The following RNF213 variants were observed in gnomAD, a reference collection of about 807,000 sequenced individuals.
The protein encoded by RNF213 is ring finger protein 213.
In RNF213, 341 loss-of-function variants were observed where a neutral mutation model predicts 514.4. The ratio of observed to expected loss-of-function variants is 0.66; its 90% confidence interval spans 0.61 to 0.73. RNF213 has a LOEUF of 0.73. Ranked by LOEUF, RNF213 falls within the 30% of genes least tolerant of loss-of-function variation. The pLI, the probability that RNF213 is intolerant of heterozygous loss-of-function variation, is 0.00. For synonymous variants in RNF213, 2,655 were observed against 2,658.2 expected (o/e 1.00, Z 0.04); for missense variants, 5,767 against 6,615.6 (o/e 0.87, Z 4.45).
Position 80,349,744 on chromosome 17 carries a change from G to A in RNF213, c.9952-26G>A, listed in dbSNP as rs567116119. 66 of 1,613,714 alleles carry A rather than the reference G, an allele frequency of 4.1e-5. 1 individual carries two copies. The South Asian group carries it at 7.0e-4, about 17-fold the overall frequency. On this transcript the variant is annotated intron_variant, in intron 29 of 67. Transcript: ENST00000582970. ...GCAACCTTTCCTTGAAGTCTGGCAA[G>A]TAATTTGCATTTCTTAACTCTGTAG... is the stretch of plus-strand genomic sequence containing the variant.
intron 30 of RNF213, 34 bp downstream of exon 30, chr17:80,349,940 C>G (rs776418150): frequency 6.2e-7 from 1 of 1,611,986 alleles, no homozygotes; most frequent in Non-Finnish European, 8.5e-7. Context: ...TGCCCTCTCC[C>G]TCCCCAGCCG....
intron 9 of RNF213, 31 bp from the exon 10 acceptor site, chr17:80,295,526 T>C: frequency 6.2e-7 from 1 of 1,613,596 alleles, no homozygotes; most frequent in South Asian, 1.1e-5. Flanking sequence ...AAGTCCATGG[T>C]TCATGCATCT....
At chr17:80,293,325 G>GT (rs953023531) in intron 8 of RNF213, among the ~76,000 whole-genome samples, 10 of 152,010 alleles carry the variant, frequency 6.6e-5, no homozygotes, top group Non-Finnish European at 1.5e-4. Context: ...GCCTCCCAAA[G>GT]TGCTGGGATT....
intron 13 of RNF213, among the ~76,000 whole-genome samples, chr17:80,307,922 C>T (rs148687848): frequency 1.3e-5 from 2 of 151,666 alleles, no homozygotes; most frequent in East Asian, 3.9e-4. Context: ...GGTTTATCTC[C>T]CCCTGATCTT....
Position 80,295,719 on chromosome 17 carries a change from A to G in RNF213, c.1918A>G (p.Ser640Gly), listed in dbSNP as rs1352402024. The G allele has an allele frequency of 1.9e-6, 3 of 1,614,238 alleles. No homozygotes were observed. The highest frequency in any genetic ancestry group is 1.7e-5 in the Admixed American group (1 of 60,020). ...AAAAATTGAGCTTTTATTAGAAGGC[A>G]GCCTGGACTGGTTGTGTCACCTCCT... is the stretch of plus-strand genomic sequence containing the variant. ...VEKIELLLEGSLDWLCHLLTS... is the reference protein window; with the variant it reads ...VEKIELLLEGGLDWLCHLLTS... The change falls in exon 10 of 68, where the codon AGC becomes GGC. Residue 640 changes from serine (S) to glycine (G), a missense_variant. Around this residue, in one of 13 missense-constraint regions of RNF213, gnomAD observed 592 missense variants for 673.9 expected, o/e 0.88. Coordinates refer to ENST00000582970, the MANE Select transcript of RNF213 (RefSeq NM_001256071.3).
intron 2 of RNF213, among the ~76,000 whole-genome samples, chr17:80,269,540 T>C (rs931581109): frequency 8.6e-5 from 13 of 152,034 alleles, no homozygotes; most frequent in African/African-American, 2.7e-4. Flanking sequence ...TATTCATCCA[T>C]TCATCTATCC....
At position 80,373,174 on chromosome 17, in the gene RNF213, CG is replaced by C; in HGVS notation, c.12942+13del. ...ACGTTGTCAAGCAGCAGGTGAGAAG[CG>C]GGGCCGGGCAGCACACAAACATGCA... On this transcript the variant is annotated intron_variant, in intron 49 of 67. Transcript: ENST00000582970. 6.2e-7 allele frequency: 1 copy of C among 1,604,838 alleles called. No homozygotes were observed. The highest frequency in any genetic ancestry group is 8.5e-7 in the Non-Finnish European group (1 of 1,179,690).
chr17:80,383,153 T>C (rs2080092168), intron 58 of RNF213, 83 bp downstream of exon 58: 1 of 969,590 alleles, frequency 1.0e-6, no homozygotes, highest in South Asian at 1.3e-5. Context: ...TCCTTGCCTG[T>C]TGCCCCTCGT....
intron 20 of RNF213, among the ~76,000 whole-genome samples, chr17:80,328,778 C>T (rs2046341724): frequency 6.6e-6 from 1 of 152,194 alleles, no homozygotes; most frequent in Non-Finnish European, 1.5e-5. Context: ...GGTCTGTGCC[C>T]TGCACACATC....
chr17:80,325,484 C>T (rs2046255885), intron 18 of RNF213, among the ~76,000 whole-genome samples: 1 of 152,092 alleles, frequency 6.6e-6, no homozygotes, highest in Non-Finnish European at 1.5e-5. Context: ...TGAAAGTCCC[C>T]TTTAAGGCCC....
At chr17:80,392,772 T>C (rs1222256167) in intron 67 of RNF213, among the ~76,000 whole-genome samples, 1 of 152,160 alleles carries the variant, frequency 6.6e-6, no homozygotes, top group East Asian at 1.9e-4. Flanking sequence ...GTATTTTTAC[T>C]AGAGACAGGG....
chr17:80,358,383 C>G lies in RNF213; in HGVS notation c.10958C>G (p.Thr3653Ser), dbSNP rs776883267. 1 of 1,614,090 alleles carries G rather than the reference C, an allele frequency of 6.2e-7. No homozygotes were observed. The highest frequency in any genetic ancestry group is 8.5e-7 in the Non-Finnish European group (1 of 1,179,970). ...IDRDGNLELLTRPDTPPWARD... is the reference protein window; with the variant it reads ...IDRDGNLELLSRPDTPPWARD... ...AGAGACGGCAACCTAGAGTTACTGA[C>G]CAGGCCAGATACTCCGCCCTGGGCA... is the stretch of plus-strand genomic sequence containing the variant. The change falls in exon 37 of 68, where the codon ACC becomes AGC. Residue 3653 changes from threonine to serine, a missense_variant. By Grantham distance (58) the Thr-to-Ser change is moderately conservative (BLOSUM62 1). Transcript: ENST00000582970.
chr17:80,349,264 GA>G (rs1256366948), intron 29 of RNF213, among the ~76,000 whole-genome samples: 2 of 152,312 alleles, frequency 1.3e-5, no homozygotes. Context: ...CTGGACGTAG[GA>G]ATCTGAGCTC....
chr17:80,393,206 C>A, intron 67 of RNF213, 139 bp from the exon 68 acceptor site: 1 of 808,504 alleles, frequency 1.2e-6, no homozygotes, highest in Non-Finnish European at 2.1e-6. Context: ...GTCTTGAACT[C>A]CTGACCTCCA....
rs143300859 is a variant in RNF213 at position 80,312,051 on chromosome 17, C to G, written c.2656-961C>G. Among the ~76,000 whole-genome samples the G allele has an allele frequency of 9.8e-4, 149 of 152,158 alleles. 1 individual carries two copies. The East Asian group carries it at 0.027, about 28-fold the overall frequency. ...GCTGAAGCAGGAGGATCACTTGAAC[C>G]CAGGAGGTGGAGGTTGCAGTGAGCC... On this transcript the variant is annotated intron_variant, in intron 14 of 67. Transcript: ENST00000582970.
rs937836673 is a variant in RNF213, at chr17:80,373,177, G to A, written c.12942+12G>A. The A allele has an allele frequency of 2.5e-6, 4 of 1,603,722 alleles. No homozygotes were observed. The highest frequency in any genetic ancestry group is 2.7e-5 in the African/African-American group (2 of 74,678). On this transcript the variant is annotated intron_variant, in intron 49 of 67. Transcript: ENST00000582970. ...TTGTCAAGCAGCAGGTGAGAAGCGG[G>A]GCCGGGCAGCACACAAACATGCACC...
intron 3 of RNF213, among the ~76,000 whole-genome samples, chr17:80,278,567 C>T (rs1179646598): frequency 2.0e-5 from 3 of 152,334 alleles, no homozygotes; most frequent in Non-Finnish European, 2.9e-5. Context: ...GCTGCTTCTT[C>T]GTCTTCCCAC....
chr17:80,274,587 T>TG (rs1482141024), intron 3 of RNF213, among the ~76,000 whole-genome samples: 1 of 28,636 alleles, frequency 3.5e-5, no homozygotes, highest in African/African-American at 1.4e-4. Flanking sequence ...CTGTGGTCTG[T>TG]GGGGGGTGAG....
At chr17:80,303,237 G>A (rs575747287) in intron 11 of RNF213, among the ~76,000 whole-genome samples, 6 of 152,302 alleles carry the variant, frequency 3.9e-5, no homozygotes, top group African/African-American at 9.6e-5. Flanking sequence ...CCCCTAGCCT[G>A]GAGGCTCAGG....
Sources: gnomAD v4.1 joint callset for allele counts (sites outside exome capture counted in the v4.1 genomes callset) on GRCh38, gnomAD v4.1.1 for gene constraint, gnomAD v4.1.1 regional missense constraint, MANE v1.5 for transcripts, NCBI Gene and HGNC (gene_info 2026-07-23, HGNC 2026-07-21) for gene names.